Variants in MEGF10 observed in about 807,000 individuals in gnomAD.
The protein encoded by MEGF10 is multiple epidermal growth factor-like domains protein 10.
A neutral mutation model predicts 147.5 loss-of-function variants in MEGF10; 86 were observed. That is an observed-to-expected ratio of 0.58 (90% CI 0.49 to 0.70). The LOEUF (loss-of-function observed/expected upper bound fraction) is 0.70. Among genes scored for constraint, MEGF10 ranks in the 30% least tolerant of loss-of-function variants. The pLI is 0.00. For synonymous variants in MEGF10, 478 were observed against 525.5 expected, an observed-to-expected ratio of 0.91 and a Z score of 1.24; for missense variants, 1,329 against 1,487.3, an observed-to-expected ratio of 0.89 and a Z score of 1.75.
chr5:127,428,408 A>G (rs1765280054), intron 13 of MEGF10, among the ~76,000 whole-genome samples: 1 of 152,256 alleles, frequency 6.6e-6, no homozygotes, highest in East Asian at 1.9e-4. Context: ...AGAAGCTCAC[A>G]TTGCATCAGG....
chr5:127,371,336 G>A (rs1762843789), intron 5 of MEGF10, among the ~76,000 whole-genome samples: 1 of 151,582 alleles, frequency 6.6e-6, no homozygotes, highest in Non-Finnish European at 1.5e-5. Flanking sequence ...GAGGAGAGTG[G>A]GCATTTTGTT....
chr5:127,262,643 T>C, the MEGF10 span, among the ~76,000 whole-genome samples: 3 of 152,154 alleles, frequency 2.0e-5, no homozygotes, highest in African/African-American at 7.2e-5. Flanking sequence ...AATCTTGGGA[T>C]GGATGCAGAA....
intron 22 of MEGF10, among the ~76,000 whole-genome samples, chr5:127,453,093 T>A (rs1766218103): frequency 6.6e-6 from 1 of 152,238 alleles, no homozygotes; most frequent in Admixed American, 6.5e-5. Context: ...TTAACATCTC[T>A]CTAAGAGATG....
At position 127,325,423 on chromosome 5, in the gene MEGF10, A is replaced by G. The variant is rs186931299; in HGVS notation, c.-18-5868A>G. On this transcript the variant is annotated intron_variant, in intron 1 of 24. Transcript: ENST00000503335. ...CATATGTTGTGGGTGATGGATTCACAGAGACATTGTAGAGGATTTTCCAGA... is the reference window on the plus strand; with the variant it reads ...CATATGTTGTGGGTGATGGATTCACGGAGACATTGTAGAGGATTTTCCAGA... Among the ~76,000 whole-genome samples, 906 of 152,190 alleles carry G rather than the reference A, an allele frequency of 6.0e-3. 10 individuals carry two copies. The highest frequency in any genetic ancestry group is 0.02 in the African/African-American group (837 of 41,522).
chr5:127,309,546 A>G (rs547445939), intron 1 of MEGF10, among the ~76,000 whole-genome samples: 2 of 152,302 alleles, frequency 1.3e-5, no homozygotes, highest in East Asian at 1.9e-4. Context: ...GACAGTATTT[A>G]TTCTTTTGTA....
At chr5:127,359,464 C>T (rs114688352) in intron 4 of MEGF10, among the ~76,000 whole-genome samples, 1,783 of 152,168 alleles carry the variant, frequency 0.012, 21 homozygotes, top group Non-Finnish European at 0.02. Flanking sequence ...CTTAAACCCT[C>T]ACCTCAATTA....
Position 127,449,161 on chromosome 5 carries a change from G to C in MEGF10, c.2919G>C (p.Val973=), listed in dbSNP as rs770936974. 1.9e-6 allele frequency: 3 copies of C among 1,614,074 alleles called. No individual in the cohort carries two copies. Among genetic ancestry groups the C allele is most frequent in the Non-Finnish European group, 2.5e-6 (3 of 1,179,988 alleles). Residue 973 remains valine (V), a synonymous_variant, in exon 22 of 25, where the codon GTG becomes GTC. Transcript: ENST00000503335. ...TGAACCCTGGGAAGAGAGGCCCTGT[G>C]GGGGACTGCACTGGGACATTGCCGG... ...KNVNPGKRGP[V]GDCTGTLPAD... is the part of the protein sequence containing the mutation.
chr5:127,412,930 AGGC>A (rs1417151161), intron 9 of MEGF10, among the ~76,000 whole-genome samples: 2 of 152,184 alleles, frequency 1.3e-5, no homozygotes, highest in Non-Finnish European at 2.9e-5. Context: ...AGTATCTAGC[AGGC>A]TAGCCTGGGC....
chr5:127,238,029 C>CTATATATA, the MEGF10 span, among the ~76,000 whole-genome samples: 733 of 138,974 alleles, frequency 5.3e-3, 8 homozygotes, highest in East Asian at 0.029. Context: ...AAACTTCAGA[C>CTATATATA]TATATATATA....
At chr5:127,349,576 A>G (rs1225089671) in intron 4 of MEGF10, among the ~76,000 whole-genome samples, 1 of 152,134 alleles carries the variant, frequency 6.6e-6, no homozygotes, top group Non-Finnish European at 1.5e-5. Context: ...AGTCCTTCAT[A>G]TAAGTGGAAT....
At chr5:127,369,575 G>A (rs990377856) in intron 4 of MEGF10, among the ~76,000 whole-genome samples, 2 of 152,160 alleles carry the variant, frequency 1.3e-5, no homozygotes, top group East Asian at 1.9e-4. Context: ...CTCTATATAG[G>A]CTTCTTCTGA....
At chr5:127,405,838 TTTC>T (rs1190973573) in intron 8 of MEGF10, among the ~76,000 whole-genome samples, 14 of 151,570 alleles carry the variant, frequency 9.2e-5, no homozygotes, top group African/African-American at 3.4e-4. Flanking sequence ...AATGCCTTTT[TTTC>T]TTTTGCTAAT....
chr5:127,378,737 G>A (rs966322551), intron 5 of MEGF10, among the ~76,000 whole-genome samples: 1 of 152,148 alleles, frequency 6.6e-6, no homozygotes, highest in Non-Finnish European at 1.5e-5. Context: ...ACAGGCATGG[G>A]CCACCGTGCC....
chr5:127,363,773 G>GTAT (rs956016678), intron 4 of MEGF10, among the ~76,000 whole-genome samples: 38 of 152,182 alleles, frequency 2.5e-4, no homozygotes, highest in African/African-American at 7.2e-4. Flanking sequence ...CAAAGTTTTT[G>GTAT]TATTATTATT....
chr5:127,371,190 ACT>A lies in MEGF10; in HGVS notation c.412+1189_412+1190del, dbSNP rs1491440999. On this transcript the variant is annotated intron_variant, in intron 5 of 24. Coordinates refer to ENST00000503335, the MANE Select transcript of MEGF10 (RefSeq NM_001256545.2). ...AACTGTACCTTAAACAGGGACTGGG[ACT>A]GTGTGTGTGTGTGTGTGTGTGTGTG... 6.1e-3 allele frequency among the ~76,000 whole-genome samples: 571 copies of A among 93,754 alleles called. 17 individuals are homozygous for A. In the East Asian group the frequency reaches 0.064, roughly 10 times the overall value. 61.5% of individuals were successfully genotyped at this position (93,754 alleles called of 152,430 possible).
chr5:127,359,435 T>G (rs35528), intron 4 of MEGF10, among the ~76,000 whole-genome samples: 3,871 of 152,192 alleles, frequency 0.025, 213 homozygotes, highest in East Asian at 0.18. Flanking sequence ...TTGATAAATA[T>G]TGACATATGT....
intron 11 of MEGF10, 21 bp downstream of exon 11, chr5:127,419,261 C>A: frequency 6.2e-7 from 1 of 1,606,638 alleles, no homozygotes; most frequent in South Asian, 1.1e-5. Context: ...GTAAATAAGT[C>A]TTTAATTTGA....
At chr5:127,327,408 T>G (rs1039196964) in intron 1 of MEGF10, among the ~76,000 whole-genome samples, 1 of 152,198 alleles carries the variant, frequency 6.6e-6, no homozygotes, top group Non-Finnish European at 1.5e-5. Flanking sequence ...ATTCAAAATG[T>G]CTATCTTAAT....
At chr5:127,299,847 A>T (rs1197942034) in intron 1 of MEGF10, 1 of 151,874 alleles carries the variant, frequency 6.6e-6, no homozygotes, top group African/African-American at 2.4e-5. Flanking sequence ...CATTTACACC[A>T]AGTGTTAGGC....
Sources: gnomAD v4.1 joint callset for allele counts (sites outside exome capture counted in the v4.1 genomes callset) on GRCh38, gnomAD v4.1.1 for gene constraint, MANE v1.5 for transcripts, NCBI Gene and HGNC (gene_info 2026-07-23, HGNC 2026-07-21) for gene names.